CCDC7: variants seen among roughly 807,000 people sequenced by gnomAD.
CCDC7 encodes the protein coiled-coil domain-containing protein 7.
CCDC7 carries 183 observed loss-of-function variants against 196.9 expected under a neutral mutation model. The observed-to-expected ratio is 0.93, with a 90% CI of 0.82 to 1.05. The LOEUF is 1.05. CCDC7 is among the 50% of genes least tolerant of loss of function. The pLI is 0.00. For synonymous variants in CCDC7, 525 were observed against 484.6 expected (o/e 1.08, Z -1.10); for missense variants, 1,540 against 1,482.2 (o/e 1.04, Z -0.64).
rs969746048 is a variant in CCDC7, at chr10:32,830,123, T to TATATATATAC, written c.3269-4683_3269-4682insCATATATATA. Among the ~76,000 whole-genome samples, 9 of 100,426 alleles carry TATATATATAC rather than the reference T, an allele frequency of 9.0e-5. 2 individuals carry two copies. The highest frequency in any genetic ancestry group is 1.2e-4 in the African/African-American group (4 of 32,974). 65.9% of individuals were successfully genotyped at this position (100,426 alleles called of 152,430 possible). ...CTATTAGTTCTTATATATATAAGGA[T>TATATATATAC]ATATATATATATATATATCCTATTA... is the stretch of plus-strand genomic sequence containing the variant. On this transcript the variant is annotated intron_variant, in intron 32 of 41. Coordinates refer to ENST00000639629, the Ensembl canonical transcript of CCDC7.
chr10:32,637,668 C>T (rs1021996566), intron 20 of CCDC7, among the ~76,000 whole-genome samples: 11 of 152,132 alleles, frequency 7.2e-5, no homozygotes, highest in Non-Finnish European at 1.0e-4. Flanking sequence ...TAGCGTGGTA[C>T]CTCCAGCTTT....
At chr10:32,866,177 C>T (rs543637642) in intron 41 of CCDC7, among the ~76,000 whole-genome samples, 2 of 151,752 alleles carry the variant, frequency 1.3e-5, no homozygotes, top group East Asian at 3.9e-4. Context: ...TTCTAGATGA[C>T]AAATCTAGGT....
chr10:32,473,966 G>A lies in CCDC7; in HGVS notation c.740-1G>A. On this transcript the variant is annotated splice_acceptor_variant, in intron 7 of 41. Coordinates refer to ENST00000639629, the Ensembl canonical transcript of CCDC7. LOFTEE classifies it high-confidence loss of function. ...TAGTGACAAATACACTTTTACTTCA[G>A]AATTCTTAGAAGCCCACTCAACTGA... 6.2e-7 allele frequency: 1 copy of A among 1,603,820 alleles called. No individual in the cohort carries two copies. Among genetic ancestry groups the A allele is most frequent in the Non-Finnish European group, 8.5e-7 (1 of 1,175,748 alleles).
intron 21 of CCDC7, among the ~76,000 whole-genome samples, chr10:32,685,365 A>T (rs1280298258): frequency 7.9e-5 from 12 of 151,632 alleles, no homozygotes; most frequent in Admixed American, 7.2e-4. Context: ...AGCTTGTCCA[A>T]CCTGCCTTAT....
In CCDC7 at chr10:32,734,614, G is replaced by A. The variant is rs192133575; in HGVS notation, c.2905+5157G>A. On this transcript the variant is annotated intron_variant, in intron 28 of 41. Transcript: ENST00000639629. ...ATGAAAGTTAAAAATAAATAAATAG[G>A]CTGGGCGCAGTGGCTCATGCCTGTA... 4.9e-3 allele frequency among the ~76,000 whole-genome samples: 748 copies of A among 152,232 alleles called. 1 individual carries two copies. The highest frequency in any genetic ancestry group is 7.9e-3 in the Non-Finnish European group (536 of 67,996).
chr10:32,731,925 C>T (rs934251604), intron 28 of CCDC7, among the ~76,000 whole-genome samples: 1 of 152,184 alleles, frequency 6.6e-6, no homozygotes. Context: ...TGGTGGCACG[C>T]GCCTGTAGTC....
chr10:32,488,076 C>T (rs1049420735), intron 8 of CCDC7, among the ~76,000 whole-genome samples: 5 of 152,236 alleles, frequency 3.3e-5, no homozygotes, highest in African/African-American at 1.2e-4. Flanking sequence ...ATGGCCTGCC[C>T]TCAGAGGTGG....
At chr10:32,882,580 G>A (rs973021218) in intron 22 of CCDC7, 113 bp from the exon 44 acceptor site, 8 of 152,094 alleles carry the variant, frequency 5.3e-5, no homozygotes, top group African/African-American at 1.2e-4. Context: ...TGGAAGATAC[G>A]CCTCAACATC....
At chr10:32,850,806 CACACACACACACAG>C (rs1173228731) in intron 39 of CCDC7, among the ~76,000 whole-genome samples, 3 of 148,050 alleles carry the variant, frequency 2.0e-5, no homozygotes, top group Admixed American at 6.7e-5. Context: ...CACACACACA[CACACACACACACAG>C]AGACATGCAA....
chr10:32,536,259 A>G (rs939400915), intron 11 of CCDC7, among the ~76,000 whole-genome samples: 1 of 152,128 alleles, frequency 6.6e-6, no homozygotes, highest in African/African-American at 2.4e-5. Context: ...CAGTTAGTCT[A>G]TGATCAGACC....
intron 15 of CCDC7, among the ~76,000 whole-genome samples, chr10:32,569,256 T>C (rs1263191086): frequency 6.6e-6 from 1 of 152,232 alleles, no homozygotes; most frequent in Admixed American, 6.5e-5. Context: ...AAACAGGAGA[T>C]ATCATTATTG....
chr10:32,679,092 G>C (rs909802839), intron 21 of CCDC7, among the ~76,000 whole-genome samples: 2 of 152,082 alleles, frequency 1.3e-5, no homozygotes, highest in African/African-American at 4.8e-5. Flanking sequence ...CCTAAAGCAT[G>C]TATACTCTAA....
chr10:32,629,140 C>T (rs187021997), intron 18 of CCDC7, among the ~76,000 whole-genome samples: 24 of 152,204 alleles, frequency 1.6e-4, no homozygotes, highest in Admixed American at 1.4e-3. Flanking sequence ...TTTTTCCCTT[C>T]AGACATTTAA....
intron 28 of CCDC7, among the ~76,000 whole-genome samples, chr10:32,740,182 G>T (rs1405992068): frequency 2.6e-5 from 4 of 152,072 alleles, no homozygotes; most frequent in Admixed American, 1.3e-4. Context: ...GCTGGAGTTG[G>T]ATATTTCCTT....
downstream of CCDC7, among the ~76,000 whole-genome samples, chr10:32,880,726 G>A (rs1012173649): frequency 1.3e-5 from 2 of 152,162 alleles, no homozygotes; most frequent in Non-Finnish European, 2.9e-5. Flanking sequence ...TGTATAAGGT[G>A]CAAGGAAGGA....
chr10:32,818,116 A>G (rs2089229810), intron 31 of CCDC7, among the ~76,000 whole-genome samples: 1 of 152,332 alleles, frequency 6.6e-6, no homozygotes, highest in South Asian at 2.1e-4. Flanking sequence ...AGACACACAT[A>G]GGCTCAAAAT....
At chr10:32,808,398 G>C (rs2086321833) in intron 30 of CCDC7, among the ~76,000 whole-genome samples, 1 of 152,130 alleles carries the variant, frequency 6.6e-6, no homozygotes. Flanking sequence ...ACCACCACAG[G>C]CATCTGTGCA....
chr10:32,528,661 TAC>T (rs1373947988), intron 11 of CCDC7, among the ~76,000 whole-genome samples: 2 of 124,634 alleles, frequency 1.6e-5, no homozygotes, highest in South Asian at 2.4e-4. Flanking sequence ...TATATATATA[TAC>T]ACACACATAT....
intron 20 of CCDC7, among the ~76,000 whole-genome samples, chr10:32,643,833 TTTTTGAAAATTAATTTTCAAAATTA>T (rs201611027): frequency 0.057 from 8,551 of 149,340 alleles, 816 homozygotes; most frequent in African/African-American, 0.19. Flanking sequence ...ATTTGGTCTT[TTTTTGAAAATTAATTTTCAAAATTA>T]TTTTGAAAAT....
Sources: allele counts gnomAD v4.1 joint callset (sites outside exome capture counted in the v4.1 genomes callset), GRCh38; gene constraint gnomAD v4.1.1; transcripts MANE v1.5; gene names NCBI Gene and HGNC (gene_info 2026-07-23, HGNC 2026-07-21).